MSN: variants seen among roughly 807,000 people sequenced by gnomAD.
MSN encodes the protein moesin.
In MSN, 2 loss-of-function variants were observed where a neutral mutation model predicts 48.0. The observed-to-expected ratio is 0.04, with a 90% CI of 0.02 to 0.13. The LOEUF (loss-of-function observed/expected upper bound fraction) is 0.13, where lower values mean the gene tolerates loss of function less well. MSN is among the 10% of genes least tolerant of loss of function. The probability of loss-of-function intolerance (pLI) is 1.00; values close to 1 mark genes in which losing one functional copy is unlikely to be tolerated. For missense variants in MSN, 267 were observed against 470.1 expected, an observed-to-expected ratio of 0.57 and a Z score of 3.99; for synonymous variants, 146 against 166.9, an observed-to-expected ratio of 0.87 and a Z score of 0.97.
intron 1 of MSN, among the ~76,000 whole-genome samples, chrX:65,598,609 G>T (rs1329392852): frequency 4.5e-5 from 5 of 111,650 alleles, no homozygotes; most frequent in African/African-American, 1.3e-4. Context: ...ATTGAGCTTT[G>T]TTCATAGTCA....
intron 1 of MSN, among the ~76,000 whole-genome samples, chrX:65,656,265 CTGTGTGTGTGTGTGTGTG>C (rs3087113): frequency 1.1e-5 from 1 of 92,820 alleles, no homozygotes; most frequent in Non-Finnish European, 2.2e-5. Flanking sequence ...AGATCTATGC[CTGTGTGTGTGTGTGTGTG>C]TGTGTGTGTG....
intron 1 of MSN, chrX:65,625,376 A>T (rs2070495530): frequency 8.9e-6 from 1 of 111,843 alleles, no homozygotes; most frequent in Non-Finnish European, 1.9e-5. Context: ...AGAATAGGGT[A>T]TTGTGTCTTC....
At chrX:65,590,140 T>C (rs189243223) in intron 1 of MSN, among the ~76,000 whole-genome samples, 103 of 111,182 alleles carry the variant, frequency 9.3e-4, no homozygotes, top group Middle Eastern at 4.6e-3. Context: ...ACTGTAATCC[T>C]GAGCTCTTTG....
chrX:65,617,384 T>G (rs1395733875), intron 1 of MSN, among the ~76,000 whole-genome samples: 1 of 108,599 alleles, frequency 9.2e-6, no homozygotes, highest in Non-Finnish European at 1.9e-5. Flanking sequence ...CAATTTCAGC[T>G]CCTGTTATTG....
At chrX:65,654,807 C>T (rs1334138983) in intron 1 of MSN, among the ~76,000 whole-genome samples, 1 of 111,045 alleles carries the variant, frequency 9.0e-6, no homozygotes, top group East Asian at 2.8e-4. Flanking sequence ...TGCTCAAAGC[C>T]CTGACCCATC....
chrX:65,629,889 T>C (rs1022554871), intron 1 of MSN, among the ~76,000 whole-genome samples: 3 of 111,645 alleles, frequency 2.7e-5, no homozygotes, highest in Admixed American at 9.5e-5. Flanking sequence ...TTTTAAAGTG[T>C]ACAATTCACT....
chrX:65,672,164 T>G (rs775952761), intron 1 of MSN, among the ~76,000 whole-genome samples: 26 of 112,229 alleles, frequency 2.3e-4, no homozygotes, highest in Non-Finnish European at 3.9e-4. Flanking sequence ...CTGGAATTTC[T>G]AGACTCAGGG....
At chrX:65,606,503 A>AT (rs1415176097) in intron 1 of MSN, among the ~76,000 whole-genome samples, 1 of 111,245 alleles carries the variant, frequency 9.0e-6, no homozygotes, top group Non-Finnish European at 1.9e-5. Context: ...GCTCACTGCA[A>AT]TCTCCACCTT....
At chrX:65,598,351 AAC>A (rs768290945) in intron 1 of MSN, among the ~76,000 whole-genome samples, 10 of 110,083 alleles carry the variant, frequency 9.1e-5, no homozygotes, top group East Asian at 2.8e-4. Context: ...AAAAGAAAGA[AAC>A]ACAGAGAGAG....
rs1466065589 is a variant in MSN, at chrX:65,669,222, T to A, written c.12+1369T>A. Among the ~76,000 whole-genome samples the A allele has an allele frequency of 5.4e-5, 6 of 111,285 alleles. No homozygotes were observed. In the East Asian group the frequency reaches 1.7e-3, roughly 31 times the overall value. On this transcript the variant is annotated intron_variant, in intron 1 of 12. Coordinates refer to ENST00000360270, the MANE Select transcript of MSN (RefSeq NM_002444.3). ...CCCCGCCCCCAAAGAGAGAGAGTAA[T>A]GGTTTTGGAGAGAGGGGAAAATATC...
chrX:65,727,771 A>C (rs1169057386), intron 2 of MSN, 43 bp from the exon 3 acceptor site: 1 of 1,058,798 alleles, frequency 9.4e-7, no homozygotes, highest in African/African-American at 1.9e-5. Flanking sequence ...CACACAGAGG[A>C]AGTATTCAAT....
At chrX:65,715,954 T>A (rs778568508) in intron 1 of MSN, among the ~76,000 whole-genome samples, 40 of 112,100 alleles carry the variant, frequency 3.6e-4, no homozygotes, top group Non-Finnish European at 5.6e-4. Flanking sequence ...ATGATGTTGG[T>A]TGTGGCTTTA....
At chrX:65,680,189 C>T (rs1250278552) in intron 1 of MSN, among the ~76,000 whole-genome samples, 1 of 111,492 alleles carries the variant, frequency 9.0e-6, no homozygotes, top group Non-Finnish European at 1.9e-5. Context: ...TTTTTTAAAA[C>T]TCAGCATGGC....
chrX:65,709,555 A>G (rs1435475778), intron 1 of MSN, among the ~76,000 whole-genome samples: 1 of 112,245 alleles, frequency 8.9e-6, no homozygotes, highest in East Asian at 2.8e-4. Context: ...GGGAGGAAGC[A>G]TGGCCAACCC....
At chrX:65,623,300 A>G (rs1468623314) in intron 1 of MSN, among the ~76,000 whole-genome samples, 1 of 97,180 alleles carries the variant, frequency 1.0e-5, no homozygotes, top group Middle Eastern at 5.3e-3. Flanking sequence ...TCCCCCTTCT[A>G]TTTCTTGAAA....
intron 1 of MSN, among the ~76,000 whole-genome samples, chrX:65,695,848 G>A: frequency 1.2e-5 from 1 of 86,689 alleles, no homozygotes; most frequent in Non-Finnish European, 1.9e-5. Flanking sequence ...CAGGAAGCTG[G>A]GAAAGGAGAC....
chrX:65,698,339 G>A (rs2071267705), intron 1 of MSN, among the ~76,000 whole-genome samples: 1 of 111,932 alleles, frequency 8.9e-6, no homozygotes, highest in Admixed American at 9.4e-5. Flanking sequence ...GGTGGAGTGA[G>A]TGGGCCCAGG....
At chrX:65,627,047 T>C (rs922634575) in intron 1 of MSN, among the ~76,000 whole-genome samples, 5 of 111,295 alleles carry the variant, frequency 4.5e-5, no homozygotes, top group African/African-American at 1.3e-4. Flanking sequence ...CTGCCTTTTT[T>C]CCCTTTTTTC....
chrX:65,600,911 G>A (rs1349474798), intron 1 of MSN, among the ~76,000 whole-genome samples: 4 of 111,483 alleles, frequency 3.6e-5, no homozygotes, highest in African/African-American at 9.8e-5. Flanking sequence ...GTGAAATGGC[G>A]AGTGTTCTCA....
Sources: gnomAD v4.1 joint callset for allele counts (sites outside exome capture counted in the v4.1 genomes callset) on GRCh38, gnomAD v4.1.1 for gene constraint, MANE v1.5 for transcripts, NCBI Gene and HGNC (gene_info 2026-07-23, HGNC 2026-07-21) for gene names.